STXBP5L: variants seen among roughly 807,000 people sequenced by gnomAD.
The protein encoded by STXBP5L is syntaxin binding protein 5L, also known as syntaxin-binding protein 5-like.
A neutral mutation model predicts 144.5 loss-of-function variants in STXBP5L; 65 were observed. The ratio of observed to expected loss-of-function variants is 0.45; its 90% CI spans 0.37 to 0.55. STXBP5L has a LOEUF of 0.55. Ranked by LOEUF, STXBP5L falls within the 20% of genes least tolerant of loss-of-function variation. STXBP5L has a pLI of 0.00. For synonymous variants in STXBP5L, 505 were observed against 469.6 expected (o/e 1.08, Z -0.97); for missense variants, 1,298 against 1,405.5 (o/e 0.92, Z 1.22).
chr3:121,148,463 AAAGAAAGG>A lies in STXBP5L; in HGVS notation c.670-4011_670-4004del, dbSNP rs1481766806. 7.9e-5 allele frequency among the ~76,000 whole-genome samples: 12 copies of A among 152,306 alleles called. No individual in the cohort carries two copies. In the East Asian group the frequency reaches 1.9e-3, roughly 24 times the overall value. ...ATAAAAATCTCTTGGTACACTAGGG[AAAGAAAGG>A]AATTTCATTAATATGAACTTTGTTA... is the stretch of plus-strand genomic sequence containing the variant. On this transcript the variant is annotated intron_variant, in intron 7 of 26. Transcript: ENST00000471454.
intron 3 of STXBP5L, among the ~76,000 whole-genome samples, chr3:120,977,800 A>G (rs1576548561): frequency 2.0e-5 from 3 of 152,128 alleles, no homozygotes; most frequent in South Asian, 2.1e-4. Context: ...TCCTTCATTT[A>G]TGAAGCTTAG....
At chr3:121,121,442 A>G (rs1419491175) in intron 6 of STXBP5L, among the ~76,000 whole-genome samples, 199 bp from the exon 7 acceptor site, 1 of 151,376 alleles carries the variant, frequency 6.6e-6, no homozygotes, top group Admixed American at 6.6e-5. Flanking sequence ...AAAGAAAAAC[A>G]TAAATAAGTA....
At chr3:121,100,770 A>G (rs766619305) in intron 5 of STXBP5L, among the ~76,000 whole-genome samples, 3 of 151,686 alleles carry the variant, frequency 2.0e-5, no homozygotes, top group African/African-American at 4.8e-5. Context: ...TGAAATTAAG[A>G]CCCCAAAATC....
chr3:120,981,312 C>A (rs1941748714), intron 3 of STXBP5L, among the ~76,000 whole-genome samples: 1 of 152,076 alleles, frequency 6.6e-6, no homozygotes, highest in African/African-American at 2.4e-5. Context: ...CTTTTTACAT[C>A]TTCTTCTGAA....
At chr3:121,242,294 A>G (rs2049695728) in intron 14 of STXBP5L, among the ~76,000 whole-genome samples, 1 of 152,202 alleles carries the variant, frequency 6.6e-6, no homozygotes, top group Non-Finnish European at 1.5e-5. Flanking sequence ...AGCAAAGATT[A>G]TAGTAACAGA....
chr3:121,347,580 C>T (rs1361662893), intron 20 of STXBP5L, among the ~76,000 whole-genome samples: 2 of 152,172 alleles, frequency 1.3e-5, no homozygotes, highest in African/African-American at 4.8e-5. Flanking sequence ...TTGATTCTTC[C>T]TACCCATGAG....
At chr3:121,241,936 G>T (rs1349512294) in intron 14 of STXBP5L, among the ~76,000 whole-genome samples, 1 of 152,126 alleles carries the variant, frequency 6.6e-6, no homozygotes, top group Non-Finnish European at 1.5e-5. Flanking sequence ...CAATTTGAAT[G>T]ACAGCAGAGT....
Position 121,072,337 on chromosome 3 carries a change from C to T in STXBP5L, c.470+26802C>T, listed in dbSNP as rs547128320. On this transcript the variant is annotated intron_variant, in intron 5 of 26. Transcript: ENST00000471454. ...TCCAGTTTCTTGAATCCCTGGGGGC[C>T]GTGTTGGCCGCTGCCATGGATTGTT... Among the ~76,000 whole-genome samples, 22 of 152,344 alleles carry T rather than the reference C, an allele frequency of 1.4e-4. No individual in the cohort carries two copies. In the East Asian group the frequency reaches 3.5e-3, roughly 24 times the overall value.
chr3:121,375,671 C>A (rs2046160056), intron 20 of STXBP5L, among the ~76,000 whole-genome samples: 1 of 152,108 alleles, frequency 6.6e-6, no homozygotes, highest in Non-Finnish European at 1.5e-5. Context: ...TTTAACATGC[C>A]AGCCCATTTA....
chr3:121,240,406 ATG>A, intron 13 of STXBP5L, 32 bp from the exon 14 acceptor site: 1 of 1,588,034 alleles, frequency 6.3e-7, no homozygotes, highest in Non-Finnish European at 8.6e-7. Context: ...CCATTTAAAC[ATG>A]TATATATATT....
At chr3:121,088,286 T>A (rs2042597640) in intron 5 of STXBP5L, among the ~76,000 whole-genome samples, 1 of 122,254 alleles carries the variant, frequency 8.2e-6, no homozygotes, top group Non-Finnish European at 1.7e-5. Context: ...GCGAAGGACA[T>A]GAACAGACAC....
intron 3 of STXBP5L, among the ~76,000 whole-genome samples, chr3:120,992,920 C>T (rs890519909): frequency 1.3e-5 from 2 of 152,098 alleles, no homozygotes; most frequent in African/African-American, 2.4e-5. Context: ...CTGCCGCCAC[C>T]CGTGTATAAG....
In STXBP5L at chr3:121,188,306, T is replaced by C. The variant is rs145385537; in HGVS notation, c.878-17617T>C. Among the ~76,000 whole-genome samples, 905 of 152,174 alleles carry C rather than the reference T, an allele frequency of 5.9e-3. 8 individuals are homozygous for C. Among genetic ancestry groups the C allele is most frequent in the African/African-American group, 0.02 (833 of 41,510 alleles). ...TGAAAGTAAAGCACTCCTCAGCAAA[T>C]GTAAAAGAATAGAAATCACAACAAA... On this transcript the variant is annotated intron_variant, in intron 9 of 26. Transcript: ENST00000471454.
intron 5 of STXBP5L, among the ~76,000 whole-genome samples, chr3:121,074,309 C>G (rs2041931588): frequency 6.6e-6 from 1 of 152,176 alleles, no homozygotes; most frequent in Non-Finnish European, 1.5e-5. Context: ...ATGGGTTGGG[C>G]ACAATGGCAT....
At chr3:121,055,497 T>G (rs1209976944) in intron 5 of STXBP5L, among the ~76,000 whole-genome samples, 1 of 152,072 alleles carries the variant, frequency 6.6e-6, no homozygotes, top group Admixed American at 6.6e-5. Flanking sequence ...GCTTTCATTA[T>G]TATTATTACT....
At chr3:121,351,261 C>T (rs2045269580) in intron 20 of STXBP5L, among the ~76,000 whole-genome samples, 1 of 152,138 alleles carries the variant, frequency 6.6e-6, no homozygotes, top group South Asian at 2.1e-4. Flanking sequence ...GCAACAGAGG[C>T]TGCAGAACAG....
intron 12 of STXBP5L, among the ~76,000 whole-genome samples, chr3:121,237,397 GGCAGTGGT>G (rs1409097862): frequency 6.6e-6 from 1 of 152,182 alleles, no homozygotes; most frequent in Non-Finnish European, 1.5e-5. Flanking sequence ...AGGGGCACAG[GGCAGTGGT>G]GCCCTAGGCC....
intron 19 of STXBP5L, among the ~76,000 whole-genome samples, chr3:121,299,021 A>G (rs923562630): frequency 6.6e-6 from 1 of 152,124 alleles, no homozygotes; most frequent in Non-Finnish European, 1.5e-5. Context: ...TAGGGTAACA[A>G]TCACCAACAC....
chr3:121,203,397 C>G (rs80331401), intron 9 of STXBP5L, among the ~76,000 whole-genome samples: 4,800 of 152,222 alleles, frequency 0.032, 104 homozygotes, highest in Admixed American at 0.045. Flanking sequence ...GCTTATCACT[C>G]ATTTCATTAT....
Sources: allele counts gnomAD v4.1 joint callset (sites outside exome capture counted in the v4.1 genomes callset), GRCh38; gene constraint gnomAD v4.1.1; transcripts MANE v1.5; gene names NCBI Gene and HGNC (gene_info 2026-07-23, HGNC 2026-07-21).